TNFRSF11B: variants seen among roughly 807,000 people sequenced by gnomAD.
The protein encoded by TNFRSF11B is tumor necrosis factor receptor superfamily member 11B.
In TNFRSF11B, 16 loss-of-function variants were observed where a neutral mutation model predicts 43.4. The ratio of observed to expected loss-of-function variants is 0.37; its 90% CI spans 0.25 to 0.56. TNFRSF11B has a LOEUF of 0.56. Among genes scored for constraint, TNFRSF11B ranks in the 20% least tolerant of loss-of-function variants. TNFRSF11B has a pLI of 0.80. For synonymous variants in TNFRSF11B, 185 were observed against 181.8 expected (o/e 1.02, Z -0.14); for missense variants, 444 against 490.1 (o/e 0.91, Z 0.89).
chr8:118,926,510 G>T lies in TNFRSF11B; in HGVS notation c.801C>A (p.Val267=). 6.2e-7 allele frequency: 1 copy of T among 1,613,292 alleles called. No individual in the cohort carries two copies. The highest frequency in any genetic ancestry group is 1.1e-5 in the South Asian group (1 of 91,044). Reference sequence around the variant, plus strand: ...TTATCATACCTTGGATGATCTTCTTGACTATATCTTGGTCTTTGTTTTGAT... The same window carrying T: ...TTATCATACCTTGGATGATCTTCTTTACTATATCTTGGTCTTTGTTTTGAT... ...WKHQNKDQDI[V]KKIIQDIDLC... is the part of the protein sequence containing the mutation. Residue 267 remains valine (V), a synonymous_variant, in exon 4 of 5, where the codon GTC becomes GTA. Transcript: ENST00000297350.
chr8:118,924,585 C>G lies in TNFRSF11B; in HGVS notation c.995G>C (p.Trp332Ser). 6.2e-7 allele frequency: 1 copy of G among 1,614,118 alleles called. No individual in the cohort carries two copies. The highest frequency in any genetic ancestry group is 2.2e-5 in the East Asian group (1 of 44,886). The change falls in exon 5 of 5, where the codon TGG (tryptophan) becomes TCG (serine). Residue 332 changes from tryptophan (W) to serine (S), a missense_variant. Trp to Ser is a radical substitution (Grantham distance 177, BLOSUM62 -3). Transcript: ENST00000297350. ...SDQILKLLSL[W>S]RIKNGDQDTL... The stretch of plus-strand genomic sequence containing the variant: ...GTCTTGGTCGCCATTTTTTATTCGC[C>G]ACAAACTGAGCAGCTTCAGGATCTG...
At chr8:118,928,118 G>C (rs2129885541) in intron 3 of TNFRSF11B, among the ~76,000 whole-genome samples, 1 of 151,908 alleles carries the variant, frequency 6.6e-6, no homozygotes, top group Admixed American at 6.6e-5. Flanking sequence ...CCATCTCCTG[G>C]GTTCAAGCGA....
At chr8:118,942,582 G>A (rs1247460292) in intron 1 of TNFRSF11B, among the ~76,000 whole-genome samples, 1 of 152,014 alleles carries the variant, frequency 6.6e-6, no homozygotes, top group Non-Finnish European at 1.5e-5. Context: ...AAAAATAATA[G>A]CTTAGTATAC....
At chr8:118,951,709 G>T in intron 1 of TNFRSF11B, 83 bp downstream of exon 1, 1 of 1,375,032 alleles carries the variant, frequency 7.3e-7, no homozygotes, top group Non-Finnish European at 1.0e-6. Context: ...CCTTCTCCCC[G>T]CCGGTCCGCT....
At chr8:118,936,281 T>C (rs1812404579) in intron 1 of TNFRSF11B, among the ~76,000 whole-genome samples, 1 of 152,200 alleles carries the variant, frequency 6.6e-6, no homozygotes, top group South Asian at 2.1e-4. Flanking sequence ...ATCACATATA[T>C]TTTTAAAACT....
chr8:118,931,129 A>C (rs891746231), intron 2 of TNFRSF11B, among the ~76,000 whole-genome samples: 12 of 152,352 alleles, frequency 7.9e-5, no homozygotes, highest in African/African-American at 2.9e-4. Flanking sequence ...AAGTAAATAA[A>C]ATATGGAGAG....
At chr8:118,931,544 C>T (rs752030422) in intron 2 of TNFRSF11B, among the ~76,000 whole-genome samples, 36 of 152,090 alleles carry the variant, frequency 2.4e-4, no homozygotes, top group Non-Finnish European at 4.6e-4. Flanking sequence ...TTCCACACCC[C>T]GCACCCTGAC....
At chr8:118,935,020 C>T (rs1361438901) in intron 1 of TNFRSF11B, among the ~76,000 whole-genome samples, 2 of 152,200 alleles carry the variant, frequency 1.3e-5, no homozygotes, top group African/African-American at 2.4e-5. Context: ...AACATCTCAT[C>T]CGGTCATTGA....
intron 1 of TNFRSF11B, among the ~76,000 whole-genome samples, chr8:118,950,350 T>G (rs980589815): frequency 2.6e-5 from 4 of 152,210 alleles, no homozygotes; most frequent in Non-Finnish European, 5.9e-5. Flanking sequence ...CAAATTATTC[T>G]ATATCCTACA....
intron 1 of TNFRSF11B, among the ~76,000 whole-genome samples, chr8:118,945,666 A>C (rs1812551707): frequency 6.6e-6 from 1 of 152,114 alleles, no homozygotes; most frequent in African/African-American, 2.4e-5. Context: ...GAATTTTTTA[A>C]GGAATAGAGT....
chr8:118,931,838 ATAC>A, intron 2 of TNFRSF11B, among the ~76,000 whole-genome samples: 1 of 152,316 alleles, frequency 6.6e-6, no homozygotes, highest in East Asian at 1.9e-4. Flanking sequence ...ATAGTTACAG[ATAC>A]TTAGCATTGA....
Position 118,926,661 on chromosome 8 carries a change from G to T in TNFRSF11B, c.650C>A (p.Pro217His). 1 of 1,614,014 alleles carries T rather than the reference G, an allele frequency of 6.2e-7. No individual in the cohort carries two copies. The highest frequency in any genetic ancestry group is 1.1e-5 in the South Asian group (1 of 91,080). ...GTCTACCAAGACACTAAGCCAGTTAGGCGTAAACTTTGTAGGAACAGCAAA... is the reference window on the plus strand; with the variant it reads ...GTCTACCAAGACACTAAGCCAGTTATGCGTAAACTTTGTAGGAACAGCAAA... ...FRFAVPTKFT[P>H]NWLSVLVDNL... is the part of the protein sequence containing the mutation. The change falls in exon 4 of 5, where the codon CCT (proline) becomes CAT (histidine). Residue 217 changes from proline to histidine, a missense_variant. By Grantham distance (77) the Pro-to-His change is moderately conservative. Transcript: ENST00000297350.
intron 4 of TNFRSF11B, among the ~76,000 whole-genome samples, chr8:118,925,258 C>G (rs576580640): frequency 6.6e-6 from 1 of 152,068 alleles, no homozygotes; most frequent in Non-Finnish European, 1.5e-5. Flanking sequence ...GACATGAGGT[C>G]GAGGAACTAA....
chr8:118,938,647 G>T lies in TNFRSF11B; in HGVS notation c.31-5347C>A, dbSNP rs542316152. ...AGGGCATAGAGTTAGAAGATCACCA[G>T]TGTTAGGAGATCAATCACAGCCTTC... On this transcript the variant is annotated intron_variant, in intron 1 of 4. Transcript: ENST00000297350. Among the ~76,000 whole-genome samples the T allele has an allele frequency of 2.6e-5, 4 of 152,308 alleles. No homozygotes were observed. The South Asian group carries it at 8.3e-4, about 32-fold the overall frequency.
Position 118,933,815 on chromosome 8 carries a change from T to C in TNFRSF11B, c.31-515A>G, listed in dbSNP as rs1812364186. Reference sequence around the variant, plus strand: ...TCTGACGCCTGGGATGCATACTAAATAATCATCTCTTAATTTATTCATTTG... The same window carrying C: ...TCTGACGCCTGGGATGCATACTAAACAATCATCTCTTAATTTATTCATTTG... On this transcript the variant is annotated intron_variant, in intron 1 of 4. Coordinates refer to ENST00000297350, the MANE Select transcript of TNFRSF11B (RefSeq NM_002546.4). 2.6e-5 allele frequency among the ~76,000 whole-genome samples: 4 copies of C among 152,342 alleles called. No homozygotes were observed. In the South Asian group the frequency reaches 8.3e-4, roughly 32 times the overall value.
chr8:118,939,723 A>T (rs1190596038), intron 1 of TNFRSF11B, among the ~76,000 whole-genome samples: 1 of 152,210 alleles, frequency 6.6e-6, no homozygotes, highest in East Asian at 1.9e-4. Context: ...TCTGGTAGAC[A>T]ATTAAAACTA....
chr8:118,945,054 T>C (rs1325489909), intron 1 of TNFRSF11B, among the ~76,000 whole-genome samples: 2 of 152,046 alleles, frequency 1.3e-5, no homozygotes, highest in Non-Finnish European at 1.5e-5. Flanking sequence ...CTCTAAAATA[T>C]ATAAGTCATA....
chr8:118,945,764 G>A (rs1466381372), intron 1 of TNFRSF11B, among the ~76,000 whole-genome samples: 1 of 152,060 alleles, frequency 6.6e-6, no homozygotes, highest in Admixed American at 6.6e-5. Context: ...GAGGTTTCTG[G>A]ATCAAAGACC....
chr8:118,933,285 T>C lies in TNFRSF11B; in HGVS notation c.46A>G (p.Ile16Val). Residue 16 changes from isoleucine to valine, a missense_variant, in exon 2 of 5, where the codon ATT (isoleucine) becomes GTT (valine). Transcript: ENST00000297350. ...CCALVFLDIS[I>V]KWTTQETFPP... is the part of the protein sequence containing the mutation. ...AACGTTTCCTGGGTGGTCCACTTAATGGAGATGTCCAGAAACTAGAAGGAG... is the reference window on the plus strand; with the variant it reads ...AACGTTTCCTGGGTGGTCCACTTAACGGAGATGTCCAGAAACTAGAAGGAG... The C allele has an allele frequency of 6.2e-7, 1 of 1,613,756 alleles. No homozygotes were observed. The highest frequency in any genetic ancestry group is 1.1e-5 in the South Asian group (1 of 91,082).
Sources: allele counts gnomAD v4.1 joint callset (sites outside exome capture counted in the v4.1 genomes callset), GRCh38; gene constraint gnomAD v4.1.1; transcripts MANE v1.5; gene names NCBI Gene and HGNC (gene_info 2026-07-23, HGNC 2026-07-21).